The following EXOC6B variants were observed in gnomAD, a reference collection of about 807,000 sequenced individuals.
EXOC6B encodes the protein exocyst complex component 6B, also known as SEC15 homolog B.
Under a neutral mutation model 113.5 loss-of-function variants are expected in EXOC6B, and 54 were observed. The ratio of observed to expected loss-of-function variants is 0.48; its 90% CI spans 0.38 to 0.60. EXOC6B has a LOEUF of 0.60. Among genes scored for constraint, EXOC6B ranks in the 20% least tolerant of loss-of-function variants. EXOC6B has a pLI of 0.00. For synonymous variants in EXOC6B, 357 were observed against 339.0 expected (o/e 1.05, Z -0.58); for missense variants, 797 against 977.5 (o/e 0.82, Z 2.46).
intron 6 of EXOC6B, among the ~76,000 whole-genome samples, chr2:72,692,377 A>T (rs1323601158): frequency 1.4e-5 from 2 of 147,044 alleles, no homozygotes; most frequent in African/African-American, 2.5e-5. Flanking sequence ...TTTGAGACAG[A>T]GTCTCGCTCT....
chr2:72,402,281 GT>G (rs1349976509), intron 18 of EXOC6B, among the ~76,000 whole-genome samples: 2 of 152,020 alleles, frequency 1.3e-5, no homozygotes, highest in African/African-American at 4.8e-5. Context: ...TCTTTACATA[GT>G]TGTCACAAAT....
chr2:72,547,603 C>G (rs1702981334), intron 8 of EXOC6B, among the ~76,000 whole-genome samples: 3 of 152,138 alleles, frequency 2.0e-5, no homozygotes, highest in Admixed American at 1.3e-4. Context: ...GATGTACATA[C>G]ACCCTTCCAG....
At chr2:72,654,931 A>T (rs1046898345) in intron 6 of EXOC6B, among the ~76,000 whole-genome samples, 1 of 152,226 alleles carries the variant, frequency 6.6e-6, no homozygotes. Flanking sequence ...TACCACGCAT[A>T]AATAGTAATA....
intron 20 of EXOC6B, among the ~76,000 whole-genome samples, chr2:72,239,281 C>T (rs1283633717): frequency 6.6e-6 from 1 of 152,154 alleles, no homozygotes; most frequent in African/African-American, 2.4e-5. Flanking sequence ...AGAAGATTTA[C>T]TTCAATGTTT....
chr2:72,660,798 CACAA>C (rs1674956732), intron 6 of EXOC6B, among the ~76,000 whole-genome samples: 1 of 149,464 alleles, frequency 6.7e-6, no homozygotes, highest in Non-Finnish European at 1.5e-5. Context: ...TGAAGTATTA[CACAA>C]TTGGCACTAA....
chr2:72,552,137 G>C (rs951754849), intron 8 of EXOC6B, among the ~76,000 whole-genome samples: 13 of 152,082 alleles, frequency 8.5e-5, no homozygotes, highest in African/African-American at 3.1e-4. Context: ...TGTTGGTACT[G>C]GCGGATATAA....
At chr2:72,553,558 T>C (rs900287903) in intron 8 of EXOC6B, among the ~76,000 whole-genome samples, 5 of 151,922 alleles carry the variant, frequency 3.3e-5, no homozygotes, top group Admixed American at 2.6e-4. Context: ...TATTATAAAA[T>C]ATAACAAAAA....
At chr2:72,593,488 G>A (rs1469740027) in intron 6 of EXOC6B, among the ~76,000 whole-genome samples, 2 of 152,084 alleles carry the variant, frequency 1.3e-5, no homozygotes, top group African/African-American at 2.4e-5. Flanking sequence ...TGTTCAGAGC[G>A]AATTATAGAA....
chr2:72,592,973 C>T (rs2103944870), intron 6 of EXOC6B, among the ~76,000 whole-genome samples: 1 of 152,052 alleles, frequency 6.6e-6, no homozygotes, highest in South Asian at 2.1e-4. Context: ...CCCTTGACAT[C>T]AAAGAAGAAA....
intron 20 of EXOC6B, among the ~76,000 whole-genome samples, chr2:72,187,529 G>A (rs780369210): frequency 5.1e-4 from 78 of 152,114 alleles, no homozygotes; most frequent in Middle Eastern, 3.4e-3. Context: ...AGGGTGTCCC[G>A]GCAAGTATTC....
chr2:72,282,716 A>G (rs1685202097), intron 20 of EXOC6B, among the ~76,000 whole-genome samples: 1 of 152,112 alleles, frequency 6.6e-6, no homozygotes, highest in South Asian at 2.1e-4. Context: ...AAATAAAATG[A>G]TGGAAAAACA....
intron 8 of EXOC6B, among the ~76,000 whole-genome samples, chr2:72,516,443 T>C (rs569596903): frequency 7.4e-4 from 113 of 152,240 alleles, no homozygotes; most frequent in Non-Finnish European, 8.1e-4. Flanking sequence ...AAACAAGATT[T>C]CACCATGTTG....
In EXOC6B at chr2:72,176,033, G is replaced by A. The variant is rs1677706954; in HGVS notation, c.*3302C>T. 6.6e-6 allele frequency: 1 copy of A among 152,202 alleles called. No individual in the cohort carries two copies. Among genetic ancestry groups the A allele is most frequent in the Non-Finnish European group, 1.5e-5 (1 of 68,032 alleles). The allele number at this position is 152,202 out of a possible 1,614,324, so 9.4% of individuals were successfully genotyped here. ...CTTTCTTGTTTAATAGCAGTTAAAAGAGGAAAATGTACAAGAGGAATAAAC... is the reference window on the plus strand; with the variant it reads ...CTTTCTTGTTTAATAGCAGTTAAAAAAGGAAAATGTACAAGAGGAATAAAC... On this transcript the variant is annotated 3_prime_UTR_variant, in exon 22 of 22. Transcript: ENST00000272427.
At chr2:72,585,825 A>T (rs1486468693) in intron 6 of EXOC6B, among the ~76,000 whole-genome samples, 1 of 152,150 alleles carries the variant, frequency 6.6e-6, no homozygotes, top group Non-Finnish European at 1.5e-5. Context: ...CAACCTAAAA[A>T]AAGCCCTGGA....
At chr2:72,762,542 G>C (rs1377811174) in intron 1 of EXOC6B, among the ~76,000 whole-genome samples, 1 of 150,420 alleles carries the variant, frequency 6.6e-6, no homozygotes, top group African/African-American at 2.4e-5. Flanking sequence ...AAGTGCTAAA[G>C]GAAAAAAAAA....
chr2:72,525,093 G>A (rs537118202), intron 8 of EXOC6B, among the ~76,000 whole-genome samples: 81 of 152,294 alleles, frequency 5.3e-4, no homozygotes, highest in African/African-American at 1.9e-3. Flanking sequence ...CCCCTCCGGG[G>A]ACCGACAGAG....
chr2:72,709,390 T>C (rs1679118664), intron 6 of EXOC6B, among the ~76,000 whole-genome samples: 1 of 152,158 alleles, frequency 6.6e-6, no homozygotes, highest in African/African-American at 2.4e-5. Context: ...TCCCCCAGGT[T>C]GGAGGGCACA....
chr2:72,600,492 T>C (rs977752450), intron 6 of EXOC6B, among the ~76,000 whole-genome samples: 1 of 148,506 alleles, frequency 6.7e-6, no homozygotes, highest in African/African-American at 2.5e-5. Flanking sequence ...TGTGTGATAT[T>C]GGCAAAAGAA....
At chr2:72,251,220 G>A (rs951554356) in intron 20 of EXOC6B, among the ~76,000 whole-genome samples, 1 of 147,604 alleles carries the variant, frequency 6.8e-6, no homozygotes, top group African/African-American at 2.4e-5. Context: ...TGGATTCCAA[G>A]CTTTTCATTA....
Sources: gnomAD v4.1 joint callset for allele counts (sites outside exome capture counted in the v4.1 genomes callset) on GRCh38, gnomAD v4.1.1 for gene constraint, MANE v1.5 for transcripts, NCBI Gene and HGNC (gene_info 2026-07-23, HGNC 2026-07-21) for gene names.